The following SRRD variants were observed in gnomAD, a reference collection of about 807,000 sequenced individuals.
SRRD encodes the protein SRR1-like protein.
Under a neutral mutation model 30.7 loss-of-function variants are expected in SRRD, and 28 were observed. The observed-to-expected ratio is 0.91, with a 90% CI of 0.68 to 1.25. SRRD has a LOEUF of 1.25. Among genes scored for constraint, SRRD ranks in the 50% most tolerant of loss-of-function variants. SRRD has a pLI of 0.00. For synonymous variants in SRRD, 161 were observed against 159.6 expected (o/e 1.01, Z -0.07); for missense variants, 415 against 417.3 (o/e 0.99, Z 0.05).
At chr22:26,491,129 ATC>A (rs1569152864) in intron 6 of SRRD, 59 bp downstream of exon 6, 5 of 1,559,236 alleles carry the variant, frequency 3.2e-6, no homozygotes, top group Non-Finnish European at 4.4e-6. Context: ...GAAGAATTCT[ATC>A]TTTCTTTACA....
intron 2 of SRRD, among the ~76,000 whole-genome samples, chr22:26,486,313 G>C (rs964005132): frequency 2.0e-5 from 3 of 152,106 alleles, no homozygotes; most frequent in Non-Finnish European, 2.9e-5. Flanking sequence ...TGTATACAAG[G>C]CAATAAATGT....
At chr22:26,488,585 G>T (rs1020276674) in intron 4 of SRRD, 97 bp downstream of exon 4, 7 of 909,728 alleles carry the variant, frequency 7.7e-6, no homozygotes, top group Non-Finnish European at 1.3e-5. Context: ...TGCAGTGGCA[G>T]CCATTCCTCT....
chr22:26,491,322 A>G (rs1052163086), intron 6 of SRRD, 141 bp from the exon 7 acceptor site: 25 of 778,882 alleles, frequency 3.2e-5, no homozygotes, highest in Non-Finnish European at 5.2e-5. Flanking sequence ...TCATTGTGCA[A>G]AAGCATTTAA....
chr22:26,489,342 G>A (rs2091731091), intron 4 of SRRD, among the ~76,000 whole-genome samples: 1 of 152,150 alleles, frequency 6.6e-6, no homozygotes, highest in African/African-American at 2.4e-5. Context: ...AAATACTGAG[G>A]CAGAACCTTG....
At position 26,489,901 on chromosome 22, in the gene SRRD, A is replaced by T. The variant is rs188140194; in HGVS notation, c.610-143A>T. 7.3e-5 allele frequency: 58 copies of T among 792,244 alleles called. No individual in the cohort carries two copies. In the East Asian group the frequency reaches 1.5e-3, roughly 20 times the overall value. 49.1% of individuals were successfully genotyped at this position (792,244 alleles called of 1,614,324 possible). Reference sequence around the variant, plus strand: ...CCTGTAACTATAGATTTCATATACGAGTGTAACTGTTCCACAAAATGAGCT... The same window carrying T: ...CCTGTAACTATAGATTTCATATACGTGTGTAACTGTTCCACAAAATGAGCT... On this transcript the variant is annotated intron_variant, in intron 4 of 6. Transcript: ENST00000215917.
At chr22:26,488,894 A>G (rs199728363) in intron 4 of SRRD, among the ~76,000 whole-genome samples, 202 of 152,310 alleles carry the variant, frequency 1.3e-3, no homozygotes, top group African/African-American at 4.7e-3. Context: ...TGATGCTATA[A>G]CCCAGTCAAA....
intron 4 of SRRD, among the ~76,000 whole-genome samples, chr22:26,488,902 A>G (rs912095771): frequency 6.6e-6 from 1 of 152,212 alleles, no homozygotes; most frequent in Non-Finnish European, 1.5e-5. Context: ...TAACCCAGTC[A>G]AACCCATAGC....
Position 26,488,291 on chromosome 22 carries a change from A to G in SRRD, c.510+3A>G. 6.2e-7 allele frequency: 1 copy of G among 1,613,370 alleles called. No individual in the cohort carries two copies. On this transcript the variant is annotated splice_donor_region_variant and intron_variant, in intron 3 of 6. Coordinates refer to ENST00000215917, the MANE Select transcript of SRRD (RefSeq NM_001013694.3). ...TGCTTTTGTTGGAAAAGTGCCAGGT[A>G]CATTTTTGGATTCATTTTCATCTCC...
At position 26,491,627 on chromosome 22, in the gene SRRD, T is replaced by A; in HGVS notation, c.975T>A (p.Leu325=). ...EEPDYQDCED[L]EIIRNKREDP... is the part of the protein sequence containing the mutation. ...CAGATTATCAGGACTGTGAGGACCT[T>A]GAAATCATCAGGAACAAGAGAGAAG... is the stretch of plus-strand genomic sequence containing the variant. Residue 325 remains leucine (L), a synonymous_variant, in exon 7 of 7, where the codon CTT becomes CTA. Coordinates refer to ENST00000215917, the MANE Select transcript of SRRD (RefSeq NM_001013694.3). 6.2e-7 allele frequency: 1 copy of A among 1,613,864 alleles called. No homozygotes were observed. Among genetic ancestry groups the A allele is most frequent in the Non-Finnish European group, 8.5e-7 (1 of 1,180,038 alleles).
chr22:26,490,758 T>A (rs1921065237), intron 5 of SRRD: 1 of 397,230 alleles, frequency 2.5e-6, no homozygotes, highest in African/African-American at 2.0e-5. Flanking sequence ...GAGATGGGGT[T>A]TTACCATGTT....
chr22:26,486,189 G>A, intron 2 of SRRD, 126 bp downstream of exon 2: 4 of 1,026,672 alleles, frequency 3.9e-6, no homozygotes, highest in East Asian at 2.5e-5. Context: ...CCTTACAGCT[G>A]TATGTCTTTT....
At chr22:26,484,873 C>T (rs2091663993) in intron 1 of SRRD, among the ~76,000 whole-genome samples, 1 of 152,046 alleles carries the variant, frequency 6.6e-6, no homozygotes, top group Non-Finnish European at 1.5e-5. Flanking sequence ...TGTTTAGGCT[C>T]AATAAATAAC....
In SRRD at chr22:26,484,010, GCCCCGGGGGAGAGAGGCGGC is replaced by G. The variant is rs2147094348; in HGVS notation, c.121_140del (p.Pro41AlafsTer11). ...CGGCGCCCCGGGGGAGAGAGGCGGC[GCCCCGGGGGAGAGAGGCGGC>G]GCCCCGGGGCCCCGAGGCGGAGTTC... On this transcript the variant is annotated frameshift_variant, in exon 1 of 7. Transcript: ENST00000215917. LOFTEE classifies it high-confidence loss of function. 7.4e-7 allele frequency: 1 copy of G among 1,357,658 alleles called. No individual in the cohort carries two copies. Among genetic ancestry groups the G allele is most frequent in the Non-Finnish European group, 9.5e-7 (1 of 1,058,194 alleles). The allele number at this position is 1,357,658 out of a possible 1,614,324, so 84.1% of individuals were successfully genotyped here.
At chr22:26,487,696 A>G (rs1450134290) in intron 2 of SRRD, among the ~76,000 whole-genome samples, 1 of 152,196 alleles carries the variant, frequency 6.6e-6, no homozygotes, top group Non-Finnish European at 1.5e-5. Context: ...CATAGTCTAC[A>G]TTTACTAGGA....
rs1347979185 is a variant in SRRD, at chr22:26,488,198, G to C, written c.420G>C (p.Lys140Asn). 1 of 1,614,172 alleles carries C rather than the reference G, an allele frequency of 6.2e-7. No individual in the cohort carries two copies. The highest frequency in any genetic ancestry group is 1.1e-5 in the South Asian group (1 of 91,084). Residue 140 changes from lysine (K) to asparagine (N), a missense_variant, in exon 3 of 7, where the codon AAG becomes AAC. By Grantham distance (94) the Lys-to-Asn change is moderately conservative. Transcript: ENST00000215917. ...EILVTGTCHLKCVCYGIGNFA... is the reference protein window; with the variant it reads ...EILVTGTCHLNCVCYGIGNFA... Reference sequence around the variant, plus strand: ...TGGTCACAGGAACCTGCCATTTGAAGTGTGTGTGTTACGGCATTGGGAACT... The same window carrying C: ...TGGTCACAGGAACCTGCCATTTGAACTGTGTGTGTTACGGCATTGGGAACT...
At chr22:26,484,355 G>A (rs1009666223) in intron 1 of SRRD, among the ~76,000 whole-genome samples, 1 of 152,170 alleles carries the variant, frequency 6.6e-6, no homozygotes, top group African/African-American at 2.4e-5. Context: ...TCTCATCTGT[G>A]AGATGGGGAT....
At position 26,483,945 on chromosome 22, in the gene SRRD, A is replaced by AAGAGGCGCTCCGCGGC. The variant is rs1235476902; in HGVS notation, c.56_71dup (p.Arg25GlufsTer39). On this transcript the variant is annotated frameshift_variant, in exon 1 of 7. Transcript: ENST00000215917. LOFTEE classifies it high-confidence loss of function. Reference sequence around the variant, plus strand: ...ATCCTGGCAGGCGGCGGCTCCGCGGAAGAGGCGCTCCGCGGCTCGACGGCC... The same window carrying AAGAGGCGCTCCGCGGC: ...ATCCTGGCAGGCGGCGGCTCCGCGGAAGAGGCGCTCCGCGGCAGAGGCGCTCCGCGGCTCGACGGCC... 1 of 1,357,328 alleles carries AAGAGGCGCTCCGCGGC rather than the reference A, an allele frequency of 7.4e-7. No homozygotes were observed. Among genetic ancestry groups the AAGAGGCGCTCCGCGGC allele is most frequent in the African/African-American group, 1.5e-5 (1 of 64,766 alleles). The allele number at this position is 1,357,328 out of a possible 1,614,324, so 84.1% of individuals were successfully genotyped here. A position where few individuals can be genotyped will look rare whatever the true frequency, so the allele number is the denominator to read the frequency against.
chr22:26,487,876 T>G, intron 2 of SRRD, 153 bp from the exon 3 acceptor site: 2 of 797,284 alleles, frequency 2.5e-6, no homozygotes, highest in Non-Finnish European at 3.8e-6. Context: ...TGTTTGGGAA[T>G]GAGGCTGGCA....
At position 26,492,345 on chromosome 22, in the gene SRRD, G is replaced by A. The variant is rs374879389; in HGVS notation, c.*673G>A. The A allele has an allele frequency of 3.4e-5, 55 of 1,614,010 alleles. No homozygotes were observed. Among genetic ancestry groups the A allele is most frequent in the African/African-American group, 9.3e-5 (7 of 74,906 alleles). ...TGGGTGAGATAGGCAATGTTCTCCCGTGCTCCTGGCTGCATGTAGGCACCT... is the reference window on the plus strand; with the variant it reads ...TGGGTGAGATAGGCAATGTTCTCCCATGCTCCTGGCTGCATGTAGGCACCT... On this transcript the variant is annotated 3_prime_UTR_variant, in exon 7 of 7. Coordinates refer to ENST00000215917, the MANE Select transcript of SRRD (RefSeq NM_001013694.3).
Sources: gnomAD v4.1 joint callset for allele counts (sites outside exome capture counted in the v4.1 genomes callset) on GRCh38, gnomAD v4.1.1 for gene constraint, MANE v1.5 for transcripts, NCBI Gene and HGNC (gene_info 2026-07-23, HGNC 2026-07-21) for gene names.